Variants in NBPF20 observed in about 807,000 individuals in gnomAD.
The protein encoded by NBPF20 is NBPF family member NBPF20.
A neutral mutation model predicts 68.1 loss-of-function variants in NBPF20; 90 were observed. The ratio of observed to expected loss-of-function variants is 1.32; its 90% confidence interval spans 1.11 to 1.58. The LOEUF (loss-of-function observed/expected upper bound fraction) is 1.58, where lower values mean the gene tolerates loss of function less well. Ranked by LOEUF, NBPF20 falls within the 40% of genes most tolerant of loss-of-function variation. The pLI, the probability that NBPF20 is intolerant of heterozygous loss-of-function variation, is 0.00. For synonymous variants in NBPF20, 290 were observed against 228.1 expected, an observed-to-expected ratio of 1.27 and a Z score of -2.45; for missense variants, 816 against 601.2, an observed-to-expected ratio of 1.36 and a Z score of -3.74.
intron 7 of NBPF20, among the ~76,000 whole-genome samples, chr1:145,395,691 C>G (rs2101546251): frequency 6.7e-6 from 1 of 148,900 alleles, no homozygotes; most frequent in Non-Finnish European, 1.5e-5. Flanking sequence ...ATAGGCAACA[C>G]CAAGAAATCC....
At chr1:145,398,803 G>C (rs1347869162) in intron 7 of NBPF20, among the ~76,000 whole-genome samples, 4 of 151,244 alleles carry the variant, frequency 2.6e-5, no homozygotes, top group Admixed American at 6.6e-5. Context: ...TTTTTGAAAA[G>C]ATCAACAAGA....
chr1:145,402,903 G>A (rs1662592260), intron 3 of NBPF20, among the ~76,000 whole-genome samples: 1 of 151,166 alleles, frequency 6.6e-6, no homozygotes, highest in East Asian at 1.9e-4. Context: ...GGGTGGTGAT[G>A]GCACACCATT....
the NBPF20 span, among the ~76,000 whole-genome samples, chr1:145,419,386 A>G: frequency 6.6e-6 from 1 of 152,208 alleles, no homozygotes; most frequent in Non-Finnish European, 1.5e-5. Context: ...TACTGTTTCC[A>G]TGGGGTACAA....
rs1410910219 is a variant in NBPF20 at position 145,393,401 on chromosome 1, A to G, written c.1044-155T>C. 2.6e-5 allele frequency among the ~76,000 whole-genome samples: 4 copies of G among 152,076 alleles called. No individual in the cohort carries two copies. The East Asian group carries it at 5.8e-4, about 22-fold the overall frequency. On this transcript the variant is annotated intron_variant, in intron 9 of 137. Transcript: ENST00000369373. ...AATTATTGCCTTTATGTTGGGATAG[A>G]CTAGGGCCAGGTAGAAAAGGATGAA...
the NBPF20 span, among the ~76,000 whole-genome samples, chr1:145,421,796 T>G: frequency 5.9e-5 from 9 of 152,258 alleles, no homozygotes; most frequent in African/African-American, 1.9e-4. Flanking sequence ...ATCCCAACAC[T>G]TTGAGATGCC....
At chr1:145,399,978 A>C (rs1158863069) in intron 6 of NBPF20, among the ~76,000 whole-genome samples, 2 of 152,160 alleles carry the variant, frequency 1.3e-5, no homozygotes, top group Middle Eastern at 3.2e-3. Context: ...ATGAAAGCTG[A>C]GAGCAGTGAA....
At chr1:145,396,667 T>A in intron 7 of NBPF20, among the ~76,000 whole-genome samples, 2 of 150,564 alleles carry the variant, frequency 1.3e-5, no homozygotes, top group South Asian at 2.1e-4. Context: ...GCACAAACCC[T>A]ACAAGCCAGA....
At chr1:145,394,617 G>T (rs1266188833) in intron 8 of NBPF20, among the ~76,000 whole-genome samples, 2 of 152,032 alleles carry the variant, frequency 1.3e-5, no homozygotes, top group Non-Finnish European at 2.9e-5. Context: ...AAACTCATAA[G>T]GAATTTTGTA....
chr1:145,404,186 G>A (rs1239283782), intron 2 of NBPF20, among the ~76,000 whole-genome samples: 1 of 149,652 alleles, frequency 6.7e-6, no homozygotes, highest in South Asian at 2.2e-4. Flanking sequence ...ACAAGAGCCT[G>A]TGCACCAGGA....
upstream of NBPF20, among the ~76,000 whole-genome samples, chr1:145,406,553 T>C (rs1662799152): frequency 1.3e-5 from 2 of 151,968 alleles, no homozygotes; most frequent in Non-Finnish European, 2.9e-5. Context: ...TTTACATTTC[T>C]ATGAAAGATG....
At chr1:145,295,312 A>G (rs1661280911) in intron 133 of NBPF20, 2 of 171,006 alleles carry the variant, frequency 1.2e-5, no homozygotes, top group African/African-American at 1.2e-4. Context: ...ATAATTTTCC[A>G]TAAACTTGCT....
At position 145,291,664 on chromosome 1, in the gene NBPF20, G is replaced by T. The variant is rs782437880; in HGVS notation, c.16803C>A (p.Phe5601Leu). ...AGTAAAACACACTTCTGTAGTGCTG[G>T]AATGAGTCAGGTAGTTCAAAGTACA... The change falls in exon 138 of 138, where the codon TTC (phenylalanine) becomes TTA (leucine). Residue 5601 changes from phenylalanine (F) to leucine (L), a missense_variant. By Grantham distance (22) the Phe-to-Leu change is conservative. Transcript: ENST00000369373. 9.3e-6 allele frequency: 15 copies of T among 1,611,824 alleles called. No homozygotes were observed. In the East Asian group the frequency reaches 2.7e-4, roughly 29 times the overall value.
At chr1:145,340,652 G>C in intron 76 of NBPF20, 115 bp downstream of exon 81, 6 of 45,682 alleles carry the variant, frequency 1.3e-4, no homozygotes, top group Non-Finnish European at 2.7e-4. Flanking sequence ...TGTGCCTATA[G>C]GACCTCCCTG....
chr1:145,393,403 T>G (rs1233607656), intron 9 of NBPF20, among the ~76,000 whole-genome samples, 157 bp from the exon 15 acceptor site: 3 of 150,672 alleles, frequency 2.0e-5, no homozygotes, highest in African/African-American at 7.4e-5. Context: ...TGGGATAGAC[T>G]AGGGCCAGGT....
rs1266207092 is a variant in NBPF20 at position 145,393,984 on chromosome 1, G to T, written c.992-49C>A. ...CTCTTACATTAAGCAGTTCTTCCTT[G>T]CACACAGAAACATTCCTCTGTCCAA... On this transcript the variant is annotated intron_variant, in intron 8 of 137. Transcript: ENST00000369373. 10 of 965,896 alleles carry T rather than the reference G, an allele frequency of 1.0e-5. No homozygotes were observed. The East Asian group carries it at 2.4e-4, about 23-fold the overall frequency. 59.8% of individuals were successfully genotyped at this position (965,896 alleles called of 1,614,324 possible).
At chr1:145,412,275 T>C in the NBPF20 span, among the ~76,000 whole-genome samples, 2 of 152,020 alleles carry the variant, frequency 1.3e-5, no homozygotes, top group Non-Finnish European at 2.9e-5. Context: ...TGGAAGCATG[T>C]ATCCTAAGGC....
At chr1:145,402,459 A>G in intron 3 of NBPF20, 78 bp from the exon 9 acceptor site, 10 of 1,537,286 alleles carry the variant, frequency 6.5e-6, no homozygotes, top group Non-Finnish European at 9.0e-6. Flanking sequence ...GAGATTTCTG[A>G]GATAATGTCC....
exon 2 of NBPF20, chr1:145,405,162 G>A (rs1485230385): frequency 2.5e-6 from 4 of 1,613,674 alleles, no homozygotes; most frequent in South Asian, 1.1e-5. Context: ...TCTCTTTGAG[G>A]TTTCCGAACT....
intron 129 of NBPF20, among the ~76,000 whole-genome samples, chr1:145,298,381 C>T (rs1407717693): frequency 2.1e-5 from 3 of 144,118 alleles, no homozygotes; most frequent in Admixed American, 6.7e-5. Context: ...GACACACACA[C>T]ACACACAGAG....
Sources: gnomAD v4.1 joint callset for allele counts (sites outside exome capture counted in the v4.1 genomes callset) on GRCh38, gnomAD v4.1.1 for gene constraint, MANE v1.5 for transcripts, NCBI Gene and HGNC (gene_info 2026-07-23, HGNC 2026-07-21) for gene names.